MICU3: variants seen among roughly 807,000 people sequenced by gnomAD.
MICU3 encodes the protein mitochondrial calcium uptake 3, also known as calcium uptake protein 3, mitochondrial.
MICU3 carries 62 observed loss-of-function variants against 66.5 expected under a neutral mutation model. The ratio of observed to expected loss-of-function variants is 0.93; its 90% confidence interval spans 0.76 to 1.15. MICU3 has a LOEUF of 1.15. Among genes scored for constraint, MICU3 ranks in the 50% most tolerant of loss-of-function variants. MICU3 has a pLI of 0.00. For missense variants in MICU3, 779 were observed against 664.4 expected, an observed-to-expected ratio of 1.17 and a Z score of -1.90; for synonymous variants, 308 against 240.7, an observed-to-expected ratio of 1.28 and a Z score of -2.59.
the MICU3 span, among the ~76,000 whole-genome samples, chr8:17,128,735 C>T: frequency 2.6e-5 from 4 of 152,148 alleles, no homozygotes; most frequent in Admixed American, 2.6e-4. Context: ...TTCCAAACTA[C>T]AGCAGAAGTA....
chr8:17,133,482 A>T, the MICU3 span, among the ~76,000 whole-genome samples: 3 of 151,946 alleles, frequency 2.0e-5, no homozygotes, highest in South Asian at 6.2e-4. Flanking sequence ...CCAGTGTATT[A>T]TTTCAGTTTT....
At chr8:17,110,749 G>GA (rs1398008607) in intron 11 of MICU3, among the ~76,000 whole-genome samples, 2 of 151,134 alleles carry the variant, frequency 1.3e-5, no homozygotes, top group African/African-American at 2.4e-5. Context: ...GGAGGGGGGG[G>GA]TAGAGACAGG....
intron 2 of MICU3, among the ~76,000 whole-genome samples, chr8:17,064,515 T>C (rs1411288745): frequency 6.6e-6 from 1 of 152,188 alleles, no homozygotes; most frequent in Non-Finnish European, 1.5e-5. Flanking sequence ...TTCATTCTTA[T>C]ATCAAACCTG....
the MICU3 span, among the ~76,000 whole-genome samples, chr8:17,127,987 C>A: frequency 1.3e-5 from 2 of 152,094 alleles, no homozygotes; most frequent in Non-Finnish European, 2.9e-5. Flanking sequence ...TCACCAGGAA[C>A]CAGACCACAT....
At chr8:17,133,770 C>G in the MICU3 span, among the ~76,000 whole-genome samples, 1 of 152,022 alleles carries the variant, frequency 6.6e-6, no homozygotes, top group South Asian at 2.1e-4. Context: ...CTTTTTGCCA[C>G]CTAATATAAT....
chr8:17,068,024 C>T (rs947041414), intron 2 of MICU3, among the ~76,000 whole-genome samples: 1 of 151,990 alleles, frequency 6.6e-6, no homozygotes, highest in African/African-American at 2.4e-5. Flanking sequence ...TATTTTCCAA[C>T]ATAGCATCAA....
chr8:17,118,754 G>A lies in MICU3; in HGVS notation c.1572G>A (p.Lys524=), dbSNP rs1000186606. The A allele has an allele frequency of 2.5e-6, 4 of 1,611,774 alleles. No individual in the cohort carries two copies. Among genetic ancestry groups the A allele is most frequent in the Non-Finnish European group, 3.4e-6 (4 of 1,178,358 alleles). Residue 524 remains lysine, a synonymous_variant, in exon 14 of 15, where the codon AAG becomes AAA. Coordinates refer to ENST00000318063, the MANE Select transcript of MICU3 (RefSeq NM_181723.3). ...QKYPTFKSCL[K]KELHSR ...ACCCCACTTTCAAATCCTGCCTGAAGAAAGAACTTCACAGCAGATAAGTAT... is the reference window on the plus strand; with the variant it reads ...ACCCCACTTTCAAATCCTGCCTGAAAAAAGAACTTCACAGCAGATAAGTAT...
chr8:17,111,041 G>A (rs1199077250), intron 11 of MICU3, among the ~76,000 whole-genome samples: 1 of 152,178 alleles, frequency 6.6e-6, no homozygotes, highest in Non-Finnish European at 1.5e-5. Context: ...GCTGTTGTGA[G>A]TAGTGCTGCT....
chr8:17,114,128 G>C lies in MICU3; in HGVS notation c.1293G>C (p.Gln431His). 6.2e-7 allele frequency: 1 copy of C among 1,612,242 alleles called. No individual in the cohort carries two copies. Among genetic ancestry groups the C allele is most frequent in the Non-Finnish European group, 8.5e-7 (1 of 1,179,114 alleles). Residue 431 changes from glutamine (Q) to histidine (H), a missense_variant, in exon 12 of 15, where the codon CAG becomes CAC. Gln to His is a conservative substitution (Grantham distance 24, BLOSUM62 0). Transcript: ENST00000318063. ...TTGATGAATTCAGGTCATTTTTCCA[G>C]TTTTTAAACAACCTAGAAGACTTTG... ...ITFDEFRSFF[Q>H]FLNNLEDFAI... is the part of the protein sequence containing the mutation.
chr8:17,062,401 T>C (rs541666858), intron 1 of MICU3, among the ~76,000 whole-genome samples: 228 of 152,322 alleles, frequency 1.5e-3, no homozygotes, highest in African/African-American at 5.0e-3. Flanking sequence ...ACAACTTCCA[T>C]TTCTTATGCC....
intron 5 of MICU3, among the ~76,000 whole-genome samples, chr8:17,084,339 G>C (rs1287619661): frequency 1.3e-5 from 2 of 152,086 alleles, no homozygotes; most frequent in African/African-American, 4.8e-5. Flanking sequence ...CTTGCATAAA[G>C]GATTGGCTTC....
At chr8:17,034,278 G>A (rs1812589454) in intron 1 of MICU3, among the ~76,000 whole-genome samples, 1 of 152,220 alleles carries the variant, frequency 6.6e-6, no homozygotes, top group Non-Finnish European at 1.5e-5. Context: ...TAGAAAAAAA[G>A]ATTCAGTTGA....
chr8:17,117,508 G>C (rs1049101897), intron 13 of MICU3, among the ~76,000 whole-genome samples: 3 of 151,908 alleles, frequency 2.0e-5, no homozygotes, highest in Admixed American at 1.3e-4. Context: ...AACATATTAT[G>C]GATGTGCCAC....
chr8:17,120,801 T>C lies in MICU3; in HGVS notation c.*514T>C, dbSNP rs557208389. ...TTATTTGCCCAGTTTTTAATTACAC[T>C]GAGATAATTTTGAAAAGAAATAGAA... On this transcript the variant is annotated 3_prime_UTR_variant, in exon 15 of 15. Coordinates refer to ENST00000318063, the MANE Select transcript of MICU3 (RefSeq NM_181723.3). 1 of 152,576 alleles carries C rather than the reference T, an allele frequency of 6.6e-6. No homozygotes were observed. Among genetic ancestry groups the C allele is most frequent in the African/African-American group, 2.4e-5 (1 of 41,562 alleles). 9.5% of individuals were successfully genotyped at this position (152,576 alleles called of 1,614,324 possible).
intron 1 of MICU3, among the ~76,000 whole-genome samples, chr8:17,036,523 C>A (rs1160623101): frequency 6.6e-6 from 1 of 152,044 alleles, no homozygotes; most frequent in Non-Finnish European, 1.5e-5. Context: ...CGTTTACAAT[C>A]CCTGAGCTAG....
chr8:17,119,588 A>T (rs934130175), intron 14 of MICU3, among the ~76,000 whole-genome samples: 1 of 140,948 alleles, frequency 7.1e-6, no homozygotes, highest in African/African-American at 3.1e-5. Context: ...GGTGTTTCCC[A>T]AAGTGGTTCC....
chr8:17,137,103 G>A, the MICU3 span, among the ~76,000 whole-genome samples: 11 of 152,030 alleles, frequency 7.2e-5, no homozygotes, highest in Middle Eastern at 6.8e-3. Context: ...GATTACAGGC[G>A]TGAGCCACCA....
chr8:17,109,615 G>A (rs566926701), intron 11 of MICU3, among the ~76,000 whole-genome samples: 2 of 152,166 alleles, frequency 1.3e-5, no homozygotes, highest in Non-Finnish European at 2.9e-5. Context: ...ACTCTGGAAG[G>A]ATTCACAGGA....
At position 17,090,555 on chromosome 8, in the gene MICU3, C is replaced by T; in HGVS notation, c.859C>T (p.Leu287Phe). The change falls in exon 8 of 15, where the codon CTT becomes TTT. Residue 287 changes from leucine (L) to phenylalanine (F), a missense_variant. Leu to Phe is a conservative substitution (Grantham distance 22). Coordinates refer to ENST00000318063, the MANE Select transcript of MICU3 (RefSeq NM_181723.3). ...TTGTGCTCTATGTCAGCGTCTTCAA[C>T]TTTATGGATACCATTCTCCTACTAA... ...EEKRAMLRLQ[L>F]YGYHSPTNSV... 1 of 1,611,538 alleles carries T rather than the reference C, an allele frequency of 6.2e-7. No homozygotes were observed. Among genetic ancestry groups the T allele is most frequent in the South Asian group, 1.1e-5 (1 of 90,814 alleles).
Sources: gnomAD v4.1 joint callset for allele counts (sites outside exome capture counted in the v4.1 genomes callset) on GRCh38, gnomAD v4.1.1 for gene constraint, MANE v1.5 for transcripts, NCBI Gene and HGNC (gene_info 2026-07-23, HGNC 2026-07-21) for gene names.